Variants in AVEN observed in about 807,000 individuals in gnomAD.
The protein encoded by AVEN is apoptosis and caspase activation inhibitor.
Under a neutral mutation model 38.1 loss-of-function variants are expected in AVEN, and 41 were observed. The observed-to-expected ratio is 1.08, with a 90% CI of 0.84 to 1.40. AVEN has a LOEUF of 1.40. AVEN is among the 40% of genes most tolerant of loss of function. The pLI is 0.00. For missense variants in AVEN, 605 were observed against 438.8 expected (o/e 1.38, Z -3.38); for synonymous variants, 206 against 171.8 (o/e 1.20, Z -1.56).
At chr15:33,951,059 G>T (rs530394895) in intron 2 of AVEN, among the ~76,000 whole-genome samples, 95 of 151,376 alleles carry the variant, frequency 6.3e-4, no homozygotes, top group African/African-American at 2.2e-3. Context: ...GTGGGAGGAA[G>T]GGGAGAGGAG....
rs973758345 is a variant in AVEN at position 33,895,794 on chromosome 15, G to A, written c.446-19799C>T. Among the ~76,000 whole-genome samples the A allele has an allele frequency of 2.6e-5, 4 of 152,146 alleles. No individual in the cohort carries two copies. The East Asian group carries it at 7.7e-4, about 29-fold the overall frequency. ...TAAAAATACAAATCTGATCCTGCCA[G>A]ACTCTTAGTTAAACCTCTCTATAAC... is the stretch of plus-strand genomic sequence containing the variant. On this transcript the variant is annotated intron_variant, in intron 2 of 5. Transcript: ENST00000306730.
chr15:33,953,983 T>C (rs918543407), intron 2 of AVEN, among the ~76,000 whole-genome samples: 2 of 152,148 alleles, frequency 1.3e-5, no homozygotes, highest in African/African-American at 4.8e-5. Flanking sequence ...CATCAAAAAG[T>C]GGGCAAAGGA....
intron 2 of AVEN, among the ~76,000 whole-genome samples, chr15:33,941,369 T>TTCCAACA (rs1323098911): frequency 6.6e-6 from 1 of 152,200 alleles, no homozygotes; most frequent in Non-Finnish European, 1.5e-5. Flanking sequence ...AATATTAATT[T>TTCCAACA]TCCAACATCC....
In AVEN at chr15:33,867,821, G is replaced by A; in HGVS notation, c.647C>T (p.Pro216Leu). Residue 216 changes from proline to leucine, a missense_variant, in exon 5 of 6, where the codon CCA becomes CTA. Physicochemically the swap from Pro to Leu is moderately conservative, Grantham distance 98. Transcript: ENST00000306730. ...TVPLEVPQVK[P>L]KRTDDGKGLG... is the part of the protein sequence containing the mutation. Reference sequence around the variant, plus strand: ...TCCCTTGCCATCATCAGTTCTCTTTGGTTTCACCTGAGGAACCTCTAAAGG... The same window carrying A: ...TCCCTTGCCATCATCAGTTCTCTTTAGTTTCACCTGAGGAACCTCTAAAGG... 3 of 1,603,076 alleles carry A rather than the reference G, an allele frequency of 1.9e-6. No homozygotes were observed. Among genetic ancestry groups the A allele is most frequent in the Non-Finnish European group, 2.5e-6 (3 of 1,176,646 alleles).
At chr15:33,853,052 C>T in the AVEN span, 1 of 1,606,368 alleles carries the variant, frequency 6.2e-7, no homozygotes, top group Non-Finnish European at 8.5e-7. Flanking sequence ...CAGATCTTTT[C>T]CTAATAACTA....
upstream of AVEN, among the ~76,000 whole-genome samples, chr15:34,043,507 T>C (rs1289119010): frequency 6.6e-6 from 1 of 152,200 alleles, no homozygotes; most frequent in East Asian, 1.9e-4. Context: ...TATGTTGTTT[T>C]GAACAGCTCC....
intron 3 of AVEN, among the ~76,000 whole-genome samples, chr15:33,874,407 A>G (rs1891136250): frequency 6.6e-6 from 1 of 152,120 alleles, no homozygotes; most frequent in Non-Finnish European, 1.5e-5. Flanking sequence ...TTCTCTGAGC[A>G]TAACCTCGTT....
At chr15:33,854,335 C>T, downstream of AVEN, 5 of 1,431,992 alleles carry the variant, frequency 3.5e-6, no homozygotes, top group Non-Finnish European at 3.8e-6. Context: ...CCTTATTGAG[C>T]ACTTAACTAC....
upstream of AVEN, among the ~76,000 whole-genome samples, chr15:34,043,437 A>G (rs1899560171): frequency 2.0e-5 from 3 of 152,190 alleles, no homozygotes; most frequent in Admixed American, 2.0e-4. Flanking sequence ...CTCGTGCTTA[A>G]TATATAAACA....
intron 2 of AVEN, among the ~76,000 whole-genome samples, chr15:33,915,137 G>A (rs1438907359): frequency 6.6e-6 from 1 of 152,174 alleles, no homozygotes; most frequent in Non-Finnish European, 1.5e-5. Context: ...ATACTTAAGA[G>A]GGGAGATGGG....
At chr15:33,940,279 T>C (rs1202117199) in intron 2 of AVEN, among the ~76,000 whole-genome samples, 1 of 152,210 alleles carries the variant, frequency 6.6e-6, no homozygotes, top group Non-Finnish European at 1.5e-5. Context: ...TCTTAAAAAA[T>C]CATTAAGGCA....
chr15:33,865,367 C>CTATT (rs1191532878), downstream of AVEN: 8 of 645,038 alleles, frequency 1.2e-5, no homozygotes, highest in Non-Finnish European at 1.9e-5. Context: ...AAAATCTGTG[C>CTATT]TATTTTGAAA....
chr15:33,900,498 T>C (rs900530692), intron 2 of AVEN, among the ~76,000 whole-genome samples: 13 of 151,878 alleles, frequency 8.6e-5, no homozygotes, highest in African/African-American at 2.7e-4. Flanking sequence ...TGTAGAGACA[T>C]GGTTTTGCCA....
chr15:34,062,574 A>C lies in AVEN; in HGVS notation n.1637+348T>G, dbSNP rs565600224. The C allele has an allele frequency of 8.5e-4, 611 of 715,760 alleles. 7 individuals are homozygous for C. In the African/African-American group the frequency reaches 9.9e-3, roughly 12 times the overall value. 44.3% of individuals were successfully genotyped at this position (715,760 alleles called of 1,614,324 possible). ...TGTCTCAAAAAAAAAAAAAAAAAAA[A>C]CTATAAACAATGGATGGACAAGAAA... On this transcript the variant is annotated intron_variant and non_coding_transcript_variant, in intron 5 of 11. Coordinates refer to the AVEN transcript ENST00000675287.
At position 34,003,050 on chromosome 15, in the gene AVEN, C is replaced by T; in HGVS notation, c.427G>A (p.Val143Ile). ...TTCATACCTGCAGAGCTAAGGAGGA[C>T]ACTGAAATCTGTTCCCCTCTGTGAC... ...GESQRGTDFS[V>I]LLSSAGDSFS... The change falls in exon 2 of 6, where the codon GTC becomes ATC. Residue 143 changes from valine to isoleucine, a missense_variant. Val to Ile is a conservative substitution (Grantham distance 29). Coordinates refer to ENST00000306730, the MANE Select transcript of AVEN (RefSeq NM_020371.3). 1 of 1,613,740 alleles carries T rather than the reference C, an allele frequency of 6.2e-7. No individual in the cohort carries two copies. Among genetic ancestry groups the T allele is most frequent in the Non-Finnish European group, 8.5e-7 (1 of 1,179,830 alleles).
intron 2 of AVEN, among the ~76,000 whole-genome samples, chr15:33,973,181 C>T (rs561770842): frequency 3.3e-5 from 5 of 152,192 alleles, no homozygotes; most frequent in African/African-American, 7.2e-5. Context: ...CATCAGACTA[C>T]GTGGGCCTTC....
At chr15:34,002,942 T>C in intron 2 of AVEN, 90 bp downstream of exon 2, 1 of 1,158,334 alleles carries the variant, frequency 8.6e-7, no homozygotes, top group Non-Finnish European at 1.2e-6. Flanking sequence ...GATAAATTGC[T>C]AGTTATAAAA....
chr15:34,003,081 A>T lies in AVEN; in HGVS notation c.396T>A (p.Ser132Arg), dbSNP rs377396799. The change falls in exon 2 of 6, where the codon AGT (serine) becomes AGA (arginine). Residue 132 changes from serine (S) to arginine (R), a missense_variant. Transcript: ENST00000306730. ...AATCTGTTCCCCTCTGTGACTCTCC[A>T]CTTTCATTATTGACCTCTTTTTCAA... ...QDIEKEVNNE[S>R]GESQRGTDFS... The T allele has an allele frequency of 1.9e-6, 3 of 1,613,906 alleles. No homozygotes were observed. Among genetic ancestry groups the T allele is most frequent in the Non-Finnish European group, 2.5e-6 (3 of 1,179,942 alleles).
chr15:33,863,013 G>T (rs891627066), downstream of AVEN, among the ~76,000 whole-genome samples: 3 of 152,192 alleles, frequency 2.0e-5, no homozygotes, highest in Admixed American at 6.5e-5. Context: ...CTTAATGGAG[G>T]TTAATGAGCC....
Sources: gnomAD v4.1 joint callset for allele counts (sites outside exome capture counted in the v4.1 genomes callset) on GRCh38, gnomAD v4.1.1 for gene constraint, MANE v1.5 for transcripts, NCBI Gene and HGNC (gene_info 2026-07-23, HGNC 2026-07-21) for gene names.